PIGK: variants seen among roughly 807,000 people sequenced by gnomAD.
PIGK encodes GPI-anchor transamidase.
PIGK carries 42 observed loss-of-function variants against 50.6 expected under a neutral mutation model. The ratio of observed to expected loss-of-function variants is 0.83; its 90% CI spans 0.65 to 1.07. The LOEUF is 1.07. Among genes scored for constraint, PIGK ranks in the 50% least tolerant of loss-of-function variants. The pLI is 0.00. For missense variants in PIGK, 448 were observed against 488.7 expected (o/e 0.92, Z 0.78); for synonymous variants, 151 against 156.0 (o/e 0.97, Z 0.24).
intron 3 of PIGK, among the ~76,000 whole-genome samples, chr1:77,188,176 C>A (rs1655795369): frequency 6.6e-6 from 1 of 152,082 alleles, no homozygotes; most frequent in African/African-American, 2.4e-5. Flanking sequence ...GAGAGATAAC[C>A]TTAAACTCTG....
At chr1:77,165,600 T>C in intron 5 of PIGK, among the ~76,000 whole-genome samples, 1 of 135,100 alleles carries the variant, frequency 7.4e-6, no homozygotes, top group Non-Finnish European at 1.5e-5. Flanking sequence ...AGGCAACTGG[T>C]GATAAAAAAA....
chr1:77,112,534 T>C (rs1382591014), intron 10 of PIGK, among the ~76,000 whole-genome samples: 1 of 152,146 alleles, frequency 6.6e-6, no homozygotes, highest in Non-Finnish European at 1.5e-5. Context: ...AGTAACAATG[T>C]ATTTTCCTCA....
intron 8 of PIGK, among the ~76,000 whole-genome samples, chr1:77,160,066 T>A (rs1008883046): frequency 6.6e-6 from 1 of 152,146 alleles, no homozygotes; most frequent in Non-Finnish European, 1.5e-5. Flanking sequence ...AGGGACTTGG[T>A]GGGAGGTAAT....
At chr1:77,098,522 G>T (rs1178302222) in intron 10 of PIGK, among the ~76,000 whole-genome samples, 2 of 152,112 alleles carry the variant, frequency 1.3e-5, no homozygotes, top group African/African-American at 4.8e-5. Context: ...TTTTGGCAGA[G>T]ATAGGGTTTT....
intron 3 of PIGK, among the ~76,000 whole-genome samples, chr1:77,176,718 C>T (rs1386264612): frequency 1.3e-5 from 2 of 152,048 alleles, no homozygotes; most frequent in Admixed American, 1.3e-4. Context: ...TATGATAACC[C>T]ATCAGTTAGT....
intron 3 of PIGK, among the ~76,000 whole-genome samples, chr1:77,201,644 G>A (rs1233758256): frequency 6.6e-6 from 1 of 152,098 alleles, no homozygotes; most frequent in East Asian, 1.9e-4. Context: ...AGGAGGCTGA[G>A]GCACAAGAAT....
At chr1:77,209,695 G>A (rs1032424715) in intron 2 of PIGK, among the ~76,000 whole-genome samples, 25 of 151,960 alleles carry the variant, frequency 1.6e-4, no homozygotes, top group African/African-American at 6.0e-4. Flanking sequence ...CCCATAAACT[G>A]GAGGTTACAG....
At chr1:77,106,282 G>T (rs1164520058) in intron 10 of PIGK, among the ~76,000 whole-genome samples, 1 of 151,994 alleles carries the variant, frequency 6.6e-6, no homozygotes, top group Non-Finnish European at 1.5e-5. Flanking sequence ...CTTTCAAGTG[G>T]AAAAGGAGGA....
At chr1:77,211,192 G>A (rs1656412599) in intron 1 of PIGK, among the ~76,000 whole-genome samples, 1 of 151,662 alleles carries the variant, frequency 6.6e-6, no homozygotes, top group Non-Finnish European at 1.5e-5. Context: ...GTAAGGCAGG[G>A]GCTTTCATCA....
intron 10 of PIGK, among the ~76,000 whole-genome samples, chr1:77,103,089 G>C (rs1362268859): frequency 3.3e-5 from 5 of 152,076 alleles, no homozygotes; most frequent in Non-Finnish European, 4.4e-5. Context: ...CATATTGTTT[G>C]TTTATTAGAA....
intron 1 of PIGK, among the ~76,000 whole-genome samples, chr1:77,214,141 A>G (rs551266057): frequency 1.4e-4 from 21 of 152,322 alleles, no homozygotes; most frequent in African/African-American, 5.1e-4. Flanking sequence ...ACTATCCCAA[A>G]AAAACTGAAG....
intron 10 of PIGK, among the ~76,000 whole-genome samples, chr1:77,109,285 A>G (rs1215929466): frequency 6.6e-6 from 1 of 152,234 alleles, no homozygotes; most frequent in Non-Finnish European, 1.5e-5. Context: ...CTGATACCAA[A>G]GCCTGGCAGA....
chr1:77,141,174 GGCAATATAGTTCAGGCCAA>G, intron 9 of PIGK, among the ~76,000 whole-genome samples: 2 of 148,680 alleles, frequency 1.3e-5, no homozygotes, highest in South Asian at 4.2e-4. Flanking sequence ...ATCTCTGGCT[GGCAATATAGTTCAGGCCAA>G]GCAAACTAAG....
At chr1:77,158,200 A>G (rs1655054941) in intron 8 of PIGK, among the ~76,000 whole-genome samples, 1 of 151,894 alleles carries the variant, frequency 6.6e-6, no homozygotes, top group Admixed American at 6.6e-5. Flanking sequence ...TATTTTTAGT[A>G]GAGATGGGGT....
intron 3 of PIGK, among the ~76,000 whole-genome samples, chr1:77,184,975 G>T (rs1344412884): frequency 6.6e-6 from 1 of 152,186 alleles, no homozygotes; most frequent in Non-Finnish European, 1.5e-5. Flanking sequence ...CTCCCACCTG[G>T]CCTGGGCAGA....
intron 3 of PIGK, among the ~76,000 whole-genome samples, chr1:77,174,700 G>A (rs910697839): frequency 3.3e-5 from 5 of 152,118 alleles, no homozygotes; most frequent in African/African-American, 9.7e-5. Flanking sequence ...GAGCTTGGCT[G>A]ATTCCCCCTT....
At chr1:77,176,030 A>C (rs1655479586) in intron 3 of PIGK, among the ~76,000 whole-genome samples, 1 of 152,130 alleles carries the variant, frequency 6.6e-6, no homozygotes, top group Non-Finnish European at 1.5e-5. Flanking sequence ...TTGCCTTTTG[A>C]ATAAACTAGG....
At chr1:77,195,532 T>G in intron 3 of PIGK, 34 of 444,492 alleles carry the variant, frequency 7.6e-5, no homozygotes, top group Non-Finnish European at 1.3e-4. Context: ...AATAAGGCCT[T>G]ACAGAGATTA....
chr1:77,198,432 CT>C (rs1380876265), intron 3 of PIGK, among the ~76,000 whole-genome samples: 27 of 151,712 alleles, frequency 1.8e-4, no homozygotes, highest in Non-Finnish European at 2.9e-4. Context: ...ATATGAAAAG[CT>C]TTTGAAGATT....
Sources: allele counts gnomAD v4.1 joint callset (sites outside exome capture counted in the v4.1 genomes callset), GRCh38; gene constraint gnomAD v4.1.1; transcripts MANE v1.5; gene names NCBI Gene and HGNC (gene_info 2026-07-23, HGNC 2026-07-21).